Variants in CRACD observed in about 807,000 individuals in gnomAD.
CRACD encodes capping protein inhibiting regulator of actin dynamics.
In CRACD, 56 loss-of-function variants were observed where a neutral mutation model predicts 106.8. That is an observed-to-expected ratio of 0.52 (90% CI 0.42 to 0.66). CRACD has a LOEUF of 0.66. CRACD is among the 30% of genes least tolerant of loss of function. CRACD has a pLI of 0.00. For missense variants in CRACD, 1,730 were observed against 1,623.2 expected (o/e 1.07, Z -1.13); for synonymous variants, 754 against 670.8 (o/e 1.12, Z -1.92).
chr4:56,307,708 C>A lies in CRACD; in HGVS notation c.285+9C>A. 1 of 1,613,856 alleles carries A rather than the reference C, an allele frequency of 6.2e-7. No homozygotes were observed. Among genetic ancestry groups the A allele is most frequent in the Non-Finnish European group, 8.5e-7 (1 of 1,179,902 alleles). ...CAGACGCAGAGAACAAGGTAAGTCT[C>A]CTCCAGGGAATGACTTGATGGCTCA... On this transcript the variant is annotated intron_variant, in intron 5 of 10. Coordinates refer to ENST00000682029, the MANE Select transcript of CRACD (RefSeq NM_001393381.1).
At chr4:56,321,198 CT>C in intron 8 of CRACD, 1 of 271,086 alleles carries the variant, frequency 3.7e-6, no homozygotes, top group Non-Finnish European at 7.4e-6. Flanking sequence ...TTTTATTCTT[CT>C]TCTCCCATTT....
chr4:56,252,098 C>T (rs932891497), intron 2 of CRACD, among the ~76,000 whole-genome samples: 3 of 152,302 alleles, frequency 2.0e-5, no homozygotes, highest in South Asian at 4.1e-4. Flanking sequence ...CAATTTTGGT[C>T]ATGACCCACT....
chr4:56,079,953 A>G (rs1732968062), intron 1 of CRACD, among the ~76,000 whole-genome samples: 1 of 152,210 alleles, frequency 6.6e-6, no homozygotes, highest in Admixed American at 6.5e-5. Flanking sequence ...AGGATAAGGA[A>G]GATTGCAACA....
intron 2 of CRACD, among the ~76,000 whole-genome samples, chr4:56,231,717 GA>G (rs376716568): frequency 3.1e-4 from 47 of 152,332 alleles, no homozygotes; most frequent in African/African-American, 1.1e-3. Flanking sequence ...TAAAGTACAG[GA>G]AAAACCAAGT....
chr4:56,293,412 T>TA (rs922798699), intron 3 of CRACD, among the ~76,000 whole-genome samples: 5 of 152,260 alleles, frequency 3.3e-5, no homozygotes, highest in Admixed American at 1.3e-4. Flanking sequence ...GTAAAACTGC[T>TA]AAAAAACAAA....
At chr4:56,162,892 A>T (rs921059912) in intron 1 of CRACD, among the ~76,000 whole-genome samples, 7 of 152,184 alleles carry the variant, frequency 4.6e-5, no homozygotes, top group African/African-American at 1.7e-4. Flanking sequence ...CAGATGGTAA[A>T]GGTTTTAGGC....
At chr4:56,262,893 A>G (rs990602179) in intron 2 of CRACD, among the ~76,000 whole-genome samples, 4 of 152,228 alleles carry the variant, frequency 2.6e-5, no homozygotes, top group African/African-American at 9.6e-5. Context: ...GAGGGTCTGA[A>G]TATACCTGTA....
intron 1 of CRACD, among the ~76,000 whole-genome samples, chr4:56,144,137 G>A: frequency 6.6e-6 from 1 of 152,154 alleles, no homozygotes; most frequent in East Asian, 1.9e-4. Flanking sequence ...CTACAGGTGA[G>A]GGAGCACATG....
At chr4:56,288,341 C>A in intron 3 of CRACD, 1 of 301,226 alleles carries the variant, frequency 3.3e-6, no homozygotes, top group South Asian at 3.5e-5. Flanking sequence ...TCCAGTCACC[C>A]AGATAGTGAC....
At chr4:56,184,963 T>G (rs901901549) in intron 2 of CRACD, among the ~76,000 whole-genome samples, 2 of 152,190 alleles carry the variant, frequency 1.3e-5, no homozygotes, top group African/African-American at 4.8e-5. Context: ...ATTTATTTTA[T>G]TTTTATTTTT....
chr4:56,104,697 G>T (rs1028670344), intron 1 of CRACD, among the ~76,000 whole-genome samples: 1 of 152,196 alleles, frequency 6.6e-6, no homozygotes, highest in Non-Finnish European at 1.5e-5. Context: ...GCCGGGCGCC[G>T]TGGCTCACGC....
intron 1 of CRACD, among the ~76,000 whole-genome samples, chr4:56,158,043 G>A (rs1424809293): frequency 6.6e-6 from 1 of 152,142 alleles, no homozygotes; most frequent in Non-Finnish European, 1.5e-5. Flanking sequence ...CCTGCTGAAA[G>A]CTATGTCAAA....
intron 2 of CRACD, among the ~76,000 whole-genome samples, chr4:56,200,578 A>G (rs983365549): frequency 2.1e-4 from 32 of 152,210 alleles, no homozygotes; most frequent in Non-Finnish European, 1.2e-4. Flanking sequence ...GCCAAGAACA[A>G]GAAATTGGAA....
rs773770766 is a variant in CRACD, at chr4:56,315,017, G to A, written c.1515G>A (p.Val505=). The stretch of plus-strand genomic sequence containing the variant: ...CGGTGGAAGCCGCGCAGCCTCCGGT[G>A]GAGAGGAAAGAAGCCGCCGCCCTTG... ...EGPVEAAQPP[V]ERKEAAALEQ... The change falls in exon 8 of 11, where the codon GTG becomes GTA. Residue 505 remains valine (V), a synonymous_variant. Transcript: ENST00000682029. This position sits in a 1 kb window ranked among gnomAD's most constrained non-coding sequence, Gnocchi z 4.1. 2 of 1,592,222 alleles carry A rather than the reference G, an allele frequency of 1.3e-6. No individual in the cohort carries two copies. The highest frequency in any genetic ancestry group is 1.8e-5 in the Admixed American group (1 of 55,278).
At chr4:56,141,865 A>G (rs1437493232) in intron 1 of CRACD, among the ~76,000 whole-genome samples, 1 of 151,430 alleles carries the variant, frequency 6.6e-6, no homozygotes, top group Non-Finnish European at 1.5e-5. Context: ...GCTAGTTTAA[A>G]AAAAAATTAT....
chr4:56,213,064 A>G (rs537217025), intron 2 of CRACD, among the ~76,000 whole-genome samples: 110 of 152,328 alleles, frequency 7.2e-4, no homozygotes, highest in Non-Finnish European at 1.1e-3. Context: ...TGTCTTGGCC[A>G]TTCAGTGCTC....
At chr4:56,092,850 C>G (rs1301599875) in intron 1 of CRACD, among the ~76,000 whole-genome samples, 2 of 152,168 alleles carry the variant, frequency 1.3e-5, no homozygotes, top group Non-Finnish European at 2.9e-5. Context: ...AAGTAATCCT[C>G]CTGCCTTACA....
intron 1 of CRACD, among the ~76,000 whole-genome samples, chr4:56,157,013 A>G (rs140303830): frequency 1.2e-3 from 187 of 152,352 alleles, no homozygotes; most frequent in Middle Eastern, 3.4e-3. Context: ...AACATTTGTC[A>G]AATAAACTAG....
chr4:56,107,846 G>C (rs1416648739), intron 1 of CRACD, among the ~76,000 whole-genome samples: 1 of 152,186 alleles, frequency 6.6e-6, no homozygotes, highest in Non-Finnish European at 1.5e-5. Context: ...CCACAGAAAG[G>C]TACCTGCATT....
Sources: gnomAD v4.1 joint callset for allele counts (sites outside exome capture counted in the v4.1 genomes callset) on GRCh38, gnomAD v4.1.1 for gene constraint, Gnocchi (gnomAD v3.1) non-coding constraint, MANE v1.5 for transcripts, NCBI Gene and HGNC (gene_info 2026-07-23, HGNC 2026-07-21) for gene names.